TOX2: variants seen among roughly 807,000 people sequenced by gnomAD.
TOX2 encodes the protein TOX high mobility group box family member 2.
Under a neutral mutation model 47.4 loss-of-function variants are expected in TOX2, and 15 were observed. The observed-to-expected ratio is 0.32, with a 90% CI of 0.21 to 0.49. The LOEUF (loss-of-function observed/expected upper bound fraction) is 0.49, where lower values mean the gene tolerates loss of function less well. TOX2 is among the 20% of genes least tolerant of loss of function. The pLI is 0.99. For synonymous variants in TOX2, 290 were observed against 296.6 expected, an observed-to-expected ratio of 0.98 and a Z score of 0.23; for missense variants, 622 against 673.1, an observed-to-expected ratio of 0.92 and a Z score of 0.84.
chr20:43,992,571 T>A (rs929164909), intron 2 of TOX2, among the ~76,000 whole-genome samples: 25 of 152,078 alleles, frequency 1.6e-4, no homozygotes, highest in African/African-American at 4.8e-5. Context: ...GCCAGGCCCA[T>A]ATCTGAAAAA....
chr20:43,915,037 C>A lies in TOX2; in HGVS notation c.99+47C>A. 8.6e-7 allele frequency: 1 copy of A among 1,159,368 alleles called. No homozygotes were observed. The highest frequency in any genetic ancestry group is 1.1e-6 in the Non-Finnish European group (1 of 927,898). The allele number at this position is 1,159,368 out of a possible 1,614,324, so 71.8% of individuals were successfully genotyped here. A position where few individuals can be genotyped will look rare whatever the true frequency, so the allele number is the denominator to read the frequency against. On this transcript the variant is annotated intron_variant, in intron 1 of 8. Coordinates refer to ENST00000341197, the MANE Select transcript of TOX2 (RefSeq NM_001098797.2). The surrounding 1 kb of genome is among the most constrained non-coding windows in gnomAD (Gnocchi z 7.1). ...TCCCCGGCGGGCGGGGCCGGAGTCA[C>A]CTGGCAGCTCGGGACTCAGGCGCTC...
At chr20:44,026,003 G>A (rs1465752287) in intron 3 of TOX2, among the ~76,000 whole-genome samples, 1 of 151,862 alleles carries the variant, frequency 6.6e-6, no homozygotes, top group East Asian at 1.9e-4. Context: ...CCTCTGACGT[G>A]GCCATGGAGT....
At chr20:43,980,837 T>A (rs1248425332) in intron 2 of TOX2, among the ~76,000 whole-genome samples, 1 of 152,094 alleles carries the variant, frequency 6.6e-6, no homozygotes, top group Non-Finnish European at 1.5e-5. Context: ...TAAAACTAAA[T>A]TAATATAAAT....
chr20:43,924,514 G>A (rs2069143957), intron 1 of TOX2, among the ~76,000 whole-genome samples: 1 of 152,212 alleles, frequency 6.6e-6, no homozygotes. Flanking sequence ...CTGGGCAAGA[G>A]CCAGGGCTTT....
At chr20:43,947,780 G>A (rs1244269754) in intron 1 of TOX2, among the ~76,000 whole-genome samples, 1 of 152,158 alleles carries the variant, frequency 6.6e-6, no homozygotes, top group Non-Finnish European at 1.5e-5. Context: ...GTGTTGGTGG[G>A]GCCCTGGGAA....
At chr20:43,975,442 G>C (rs2070059359) in intron 2 of TOX2, among the ~76,000 whole-genome samples, 1 of 152,184 alleles carries the variant, frequency 6.6e-6, no homozygotes, top group South Asian at 2.1e-4. Context: ...TTATTGTTCA[G>C]TCAATTTTAT....
intron 1 of TOX2, among the ~76,000 whole-genome samples, chr20:43,959,551 C>G (rs1192237057): frequency 6.6e-6 from 1 of 152,184 alleles, no homozygotes; most frequent in Non-Finnish European, 1.5e-5. Context: ...TTGAACCGCT[C>G]CAAGATCGAA....
chr20:43,930,903 A>T (rs565102570), intron 1 of TOX2, among the ~76,000 whole-genome samples: 86 of 152,304 alleles, frequency 5.6e-4, no homozygotes, highest in African/African-American at 2.0e-3. Context: ...GCACTGCCCT[A>T]CCATGGTTTT....
chr20:43,946,058 C>A, intron 1 of TOX2: 1 of 1,612,586 alleles, frequency 6.2e-7, no homozygotes, highest in South Asian at 1.1e-5. Context: ...GGGTGCCCAC[C>A]GCCCCATGAG....
At chr20:44,051,274 C>A in intron 3 of TOX2, 32 bp from the exon 4 acceptor site, 1 of 1,568,826 alleles carries the variant, frequency 6.4e-7, no homozygotes, top group Non-Finnish European at 8.7e-7. Context: ...ACAGATCCTT[C>A]CTAACTCAAC....
intron 1 of TOX2, among the ~76,000 whole-genome samples, chr20:43,946,517 C>T (rs778115588): frequency 6.6e-5 from 10 of 152,156 alleles, no homozygotes; most frequent in Non-Finnish European, 1.3e-4. Context: ...CAGGAATACC[C>T]GAGCTGCCTC....
chr20:43,986,001 A>T (rs1164740106), intron 2 of TOX2, among the ~76,000 whole-genome samples: 1 of 152,192 alleles, frequency 6.6e-6, no homozygotes, highest in Non-Finnish European at 1.5e-5. Context: ...TCTTCCTCTT[A>T]TAAGTCCCCT....
intron 5 of TOX2, among the ~76,000 whole-genome samples, chr20:44,063,805 A>C (rs200453619): frequency 3.1e-5 from 4 of 127,404 alleles, no homozygotes; most frequent in African/African-American, 1.1e-4. Context: ...CACACACACA[A>C]ACACCATGAA....
intron 2 of TOX2, among the ~76,000 whole-genome samples, chr20:43,988,913 C>T (rs2070319642): frequency 6.6e-6 from 1 of 152,132 alleles, no homozygotes; most frequent in South Asian, 2.1e-4. Flanking sequence ...GGTTGTGGCT[C>T]CAGGTAACTC....
intron 4 of TOX2, among the ~76,000 whole-genome samples, chr20:44,053,884 C>A (rs2071571538): frequency 6.6e-6 from 1 of 152,090 alleles, no homozygotes; most frequent in African/African-American, 2.4e-5. Flanking sequence ...GGATTTTTGT[C>A]TGATTATAAG....
intron 5 of TOX2, among the ~76,000 whole-genome samples, chr20:44,055,329 A>G (rs535024356): frequency 6.6e-6 from 1 of 152,364 alleles, no homozygotes; most frequent in East Asian, 1.9e-4. Context: ...ATAGTTCATG[A>G]GAGTGGAAAG....
At chr20:43,975,374 C>A (rs1282624655) in intron 2 of TOX2, among the ~76,000 whole-genome samples, 1 of 152,194 alleles carries the variant, frequency 6.6e-6, no homozygotes, top group African/African-American at 2.4e-5. Context: ...CTTGCAAAGC[C>A]TTTTTCTCAA....
At chr20:44,021,620 A>C (rs571377691) in intron 3 of TOX2, among the ~76,000 whole-genome samples, 1 of 151,992 alleles carries the variant, frequency 6.6e-6, no homozygotes, top group Non-Finnish European at 1.5e-5. Flanking sequence ...TGTGCCCTGC[A>C]TGCTTCCACT....
At chr20:44,006,966 A>T (rs2070695403) in intron 3 of TOX2, among the ~76,000 whole-genome samples, 174 bp downstream of exon 3, 1 of 152,038 alleles carries the variant, frequency 6.6e-6, no homozygotes, top group South Asian at 2.1e-4. Flanking sequence ...GTAGCATGGG[A>T]GTCTGTGGGA....
Sources: allele counts gnomAD v4.1 joint callset (sites outside exome capture counted in the v4.1 genomes callset), GRCh38; gene constraint gnomAD v4.1.1; non-coding constraint Gnocchi (gnomAD v3.1); transcripts MANE v1.5; gene names NCBI Gene and HGNC (gene_info 2026-07-23, HGNC 2026-07-21).